CSMD1: variants seen among roughly 807,000 people sequenced by gnomAD.
The protein encoded by CSMD1 is CUB and sushi domain-containing protein 1.
A neutral mutation model predicts 417.5 loss-of-function variants in CSMD1; 213 were observed. The ratio of observed to expected loss-of-function variants is 0.51; its 90% CI spans 0.46 to 0.57. The LOEUF (loss-of-function observed/expected upper bound fraction) is 0.57, where lower values mean the gene tolerates loss of function less well. Among genes scored for constraint, CSMD1 ranks in the 20% least tolerant of loss-of-function variants. CSMD1 has a pLI of 0.00. For synonymous variants in CSMD1, 2,862 were observed against 1,736.8 expected (o/e 1.65, Z -16.11); for missense variants, 6,923 against 4,529.7 (o/e 1.53, Z -15.17).
chr8:4,167,880 C>A (rs982371425), intron 3 of CSMD1, among the ~76,000 whole-genome samples: 1 of 152,090 alleles, frequency 6.6e-6, no homozygotes, highest in Non-Finnish European at 1.5e-5. Context: ...GTAATCTCAG[C>A]ACTTTGGGAG....
intron 2 of CSMD1, among the ~76,000 whole-genome samples, chr8:4,565,475 C>T (rs1259067884): frequency 1.3e-5 from 2 of 152,014 alleles, no homozygotes; most frequent in Admixed American, 6.6e-5. Context: ...TAGTGGCTCA[C>T]ACCTGTAATC....
intron 3 of CSMD1, among the ~76,000 whole-genome samples, chr8:4,276,289 C>T (rs1796481429): frequency 6.6e-6 from 1 of 152,158 alleles, no homozygotes; most frequent in African/African-American, 2.4e-5. Flanking sequence ...GAATACTATG[C>T]AGCCATAAAA....
At chr8:4,191,606 C>G (rs1256048410) in intron 3 of CSMD1, among the ~76,000 whole-genome samples, 2 of 151,954 alleles carry the variant, frequency 1.3e-5, no homozygotes, top group Non-Finnish European at 2.9e-5. Flanking sequence ...TTTAAGCTTT[C>G]TATGTTGAAA....
intron 38 of CSMD1, among the ~76,000 whole-genome samples, chr8:3,160,659 T>G (rs1244479421): frequency 6.6e-6 from 1 of 152,244 alleles, no homozygotes; most frequent in Non-Finnish European, 1.5e-5. Flanking sequence ...AGGTTTGTTC[T>G]TACGAAGGTG....
At chr8:4,434,691 G>T (rs938470032) in intron 2 of CSMD1, among the ~76,000 whole-genome samples, 1 of 152,140 alleles carries the variant, frequency 6.6e-6, no homozygotes, top group Non-Finnish European at 1.5e-5. Context: ...AAGGAACAAA[G>T]AGTAACAAAT....
chr8:4,621,118 G>C (rs531231417), intron 2 of CSMD1, among the ~76,000 whole-genome samples: 32 of 151,968 alleles, frequency 2.1e-4, no homozygotes, highest in Non-Finnish European at 4.1e-4. Context: ...AAATTCTTAG[G>C]ACCAGACGTA....
intron 1 of CSMD1, among the ~76,000 whole-genome samples, chr8:4,654,167 G>C (rs1303425851): frequency 6.6e-6 from 1 of 152,004 alleles, no homozygotes; most frequent in Non-Finnish European, 1.5e-5. Context: ...CTTTTCTGTT[G>C]TTTCATCTTT....
intron 3 of CSMD1, among the ~76,000 whole-genome samples, chr8:4,255,710 G>A (rs182642773): frequency 2.6e-5 from 4 of 152,334 alleles, no homozygotes; most frequent in East Asian, 3.9e-4. Flanking sequence ...CTTAGGCACT[G>A]TGAGTTATTT....
chr8:3,571,447 G>C (rs1009786409), intron 10 of CSMD1, among the ~76,000 whole-genome samples: 20 of 152,320 alleles, frequency 1.3e-4, no homozygotes, highest in Admixed American at 1.1e-3. Flanking sequence ...ATGCAGTAGA[G>C]GCATTGTTAG....
rs566208811 is a variant in CSMD1 at position 4,861,419 on chromosome 8, T to C, written c.85+132913A>G. The stretch of plus-strand genomic sequence containing the variant: ...ACTACGCTGTAAACATCCAGAAACA[T>C]GTGAAGAAAGCGACCAGAGTTCTTG... On this transcript the variant is annotated intron_variant, in intron 1 of 69. Transcript: ENST00000635120. Among the ~76,000 whole-genome samples the C allele has an allele frequency of 5.4e-4, 82 of 152,196 alleles. 1 individual carries two copies. The highest frequency in any genetic ancestry group is 1.9e-3 in the African/African-American group (79 of 41,488).
At chr8:3,086,472 A>C (rs1038903773) in intron 49 of CSMD1, among the ~76,000 whole-genome samples, 4 of 152,204 alleles carry the variant, frequency 2.6e-5, no homozygotes, top group African/African-American at 7.2e-5. Context: ...TTTCACTCAT[A>C]AATCATAATT....
chr8:3,067,891 G>A (rs939892507), intron 49 of CSMD1, among the ~76,000 whole-genome samples: 6 of 151,890 alleles, frequency 4.0e-5, no homozygotes, highest in Non-Finnish European at 8.8e-5. Context: ...GGTCACTGTT[G>A]TCCAGAAATA....
chr8:3,547,892 TA>T, intron 10 of CSMD1, among the ~76,000 whole-genome samples: 1 of 152,308 alleles, frequency 6.6e-6, no homozygotes, highest in South Asian at 2.1e-4. Context: ...GAATAAGAAG[TA>T]CTCCTAAAAT....
intron 5 of CSMD1, among the ~76,000 whole-genome samples, chr8:3,803,065 C>T (rs1051554832): frequency 1.2e-4 from 19 of 152,270 alleles, no homozygotes; most frequent in African/African-American, 4.3e-4. Flanking sequence ...AAAGTGGTGG[C>T]AACAGCCTTT....
intron 5 of CSMD1, among the ~76,000 whole-genome samples, chr8:3,974,672 CTCT>C (rs1274034494): frequency 1.5e-5 from 2 of 129,322 alleles, no homozygotes; most frequent in African/African-American, 6.6e-5. Context: ...CAGCGTGCAG[CTCT>C]TTTTTTTTTT....
intron 3 of CSMD1, among the ~76,000 whole-genome samples, chr8:4,194,975 C>G (rs80349538): frequency 2.6e-5 from 4 of 151,766 alleles, no homozygotes; most frequent in African/African-American, 4.9e-5. Context: ...AATGGACTAT[C>G]TAGCTTTCTT....
At chr8:3,284,500 A>T (rs1356242900) in intron 25 of CSMD1, 154 bp from the exon 26 acceptor site, 3 of 632,800 alleles carry the variant, frequency 4.7e-6, no homozygotes, top group Non-Finnish European at 8.4e-6. Context: ...GAGGAAAATG[A>T]GGCTCACCGA....
chr8:4,783,656 G>A (rs773871575), intron 1 of CSMD1, among the ~76,000 whole-genome samples: 8 of 152,292 alleles, frequency 5.3e-5, no homozygotes, highest in African/African-American at 1.2e-4. Flanking sequence ...CTCTTGTCAT[G>A]AACAGGCTGA....
chr8:3,765,998 C>A (rs899297114), intron 5 of CSMD1, among the ~76,000 whole-genome samples: 1 of 152,200 alleles, frequency 6.6e-6, no homozygotes, highest in African/African-American at 2.4e-5. Flanking sequence ...CAGAGAGGAT[C>A]ATTTGGGAGA....
Sources: allele counts gnomAD v4.1 joint callset (sites outside exome capture counted in the v4.1 genomes callset), GRCh38; gene constraint gnomAD v4.1.1; transcripts MANE v1.5; gene names NCBI Gene and HGNC (gene_info 2026-07-23, HGNC 2026-07-21).